TBC1D4: variants seen among roughly 807,000 people sequenced by gnomAD.
The protein encoded by TBC1D4 is TBC (Tre-2, BUB2, CDC16) domain-containing protein.
TBC1D4 carries 121 observed loss-of-function variants against 142.5 expected under a neutral mutation model. The observed-to-expected ratio is 0.85, with a 90% CI of 0.73 to 0.99. The LOEUF (loss-of-function observed/expected upper bound fraction) is 0.99. TBC1D4 is among the 50% of genes least tolerant of loss of function. TBC1D4 has a pLI of 0.00. For synonymous variants in TBC1D4, 630 were observed against 628.2 expected, an observed-to-expected ratio of 1.00 and a Z score of -0.04; for missense variants, 1,475 against 1,606.6, an observed-to-expected ratio of 0.92 and a Z score of 1.40.
intron 1 of TBC1D4, among the ~76,000 whole-genome samples, chr13:75,475,688 C>T (rs994964884): frequency 2.0e-5 from 3 of 152,186 alleles, no homozygotes; most frequent in Non-Finnish European, 1.5e-5. Context: ...CAAGCAATTA[C>T]TCATTCCAAA....
intron 1 of TBC1D4, among the ~76,000 whole-genome samples, chr13:75,480,903 ACACG>A (rs5804816): frequency 0.41 from 59,713 of 145,818 alleles, 14,131 homozygotes; most frequent in South Asian, 0.61. Flanking sequence ...ACACACACAC[ACACG>A]GCAAGCAAGC....
At chr13:75,318,559 A>T in intron 12 of TBC1D4, among the ~76,000 whole-genome samples, 1 of 152,076 alleles carries the variant, frequency 6.6e-6, no homozygotes. Context: ...ATGAAACCAT[A>T]TTTTTTCTAC....
intron 1 of TBC1D4, among the ~76,000 whole-genome samples, chr13:75,422,760 T>G (rs1018673558): frequency 3.3e-5 from 5 of 152,156 alleles, no homozygotes; most frequent in Non-Finnish European, 7.3e-5. Flanking sequence ...GAAATAATAT[T>G]CCTCAATGTA....
intron 1 of TBC1D4, among the ~76,000 whole-genome samples, chr13:75,441,163 G>A (rs1887022508): frequency 6.6e-6 from 1 of 152,102 alleles, no homozygotes; most frequent in Non-Finnish European, 1.5e-5. Context: ...GGCTGAAGCA[G>A]GAGAATCACT....
intron 16 of TBC1D4, among the ~76,000 whole-genome samples, chr13:75,301,516 G>A (rs1292153232): frequency 2.0e-5 from 3 of 151,906 alleles, no homozygotes; most frequent in African/African-American, 7.3e-5. Context: ...GTGGTGGCTG[G>A]TGCCTGTAGT....
At chr13:75,386,351 A>C (rs1884165776) in intron 1 of TBC1D4, among the ~76,000 whole-genome samples, 1 of 151,490 alleles carries the variant, frequency 6.6e-6, no homozygotes, top group African/African-American at 2.4e-5. Flanking sequence ...AAAATAATAA[A>C]TGTGCTTTTA....
At chr13:75,376,213 A>C (rs1883496288) in intron 1 of TBC1D4, among the ~76,000 whole-genome samples, 1 of 152,214 alleles carries the variant, frequency 6.6e-6, no homozygotes, top group Admixed American at 6.5e-5. Flanking sequence ...AAACAAAAAA[A>C]CCAGAAATCT....
intron 17 of TBC1D4, among the ~76,000 whole-genome samples, chr13:75,297,772 CGATAAAAA>C (rs1482831276): frequency 7.5e-6 from 1 of 133,184 alleles, no homozygotes. Flanking sequence ...AAAAAAAAAA[CGATAAAAA>C]GATAAAAAGA....
rs1197577988 is a variant in TBC1D4 at position 75,286,705 on chromosome 13, G to A, written c.*87C>T. 1.5e-6 allele frequency: 2 copies of A among 1,359,962 alleles called. No homozygotes were observed. Among genetic ancestry groups the A allele is most frequent in the African/African-American group, 2.9e-5 (2 of 69,006 alleles). 84.2% of individuals were successfully genotyped at this position (1,359,962 alleles called of 1,614,324 possible). A position where few individuals can be genotyped will look rare whatever the true frequency, so the allele number is the denominator to read the frequency against. On this transcript the variant is annotated 3_prime_UTR_variant, in exon 21 of 21. Coordinates refer to ENST00000377636, the MANE Select transcript of TBC1D4 (RefSeq NM_014832.5). ...GTATTAGGTGGTTCCATCAGCTTCA[G>A]GGTCCAGCCTTGGGCCAGCGACATG... is the stretch of plus-strand genomic sequence containing the variant.
At chr13:75,478,893 G>T (rs940395915) in intron 1 of TBC1D4, among the ~76,000 whole-genome samples, 1 of 152,148 alleles carries the variant, frequency 6.6e-6, no homozygotes, top group South Asian at 2.1e-4. Flanking sequence ...AAAAGTGGCC[G>T]CTCATGGATC....
At chr13:75,467,443 C>T (rs570880420) in intron 1 of TBC1D4, among the ~76,000 whole-genome samples, 1 of 152,296 alleles carries the variant, frequency 6.6e-6, no homozygotes, top group South Asian at 2.1e-4. Context: ...CATACTGCTT[C>T]ATCAATGGTG....
At chr13:75,293,824 T>C (rs1374808427) in intron 18 of TBC1D4, among the ~76,000 whole-genome samples, 2 of 152,244 alleles carry the variant, frequency 1.3e-5, no homozygotes, top group Non-Finnish European at 2.9e-5. Context: ...AACAAATTTC[T>C]CCAAACAACA....
intron 1 of TBC1D4, among the ~76,000 whole-genome samples, chr13:75,407,019 A>C (rs950383706): frequency 6.6e-6 from 1 of 152,160 alleles, no homozygotes; most frequent in Non-Finnish European, 1.5e-5. Context: ...ATTCGTGATA[A>C]ACTGAGGCAT....
Position 75,286,968 on chromosome 13 carries a change from C to T in TBC1D4, c.3721G>A (p.Glu1241Lys), listed in dbSNP as rs1304472649. 6.2e-7 allele frequency: 1 copy of T among 1,613,808 alleles called. No homozygotes were observed. The highest frequency in any genetic ancestry group is 8.5e-7 in the Non-Finnish European group (1 of 1,179,970). The change falls in exon 21 of 21, where the codon GAG becomes AAG. Residue 1241 changes from glutamate to lysine, a missense_variant. Physicochemically the swap from Glu to Lys is moderately conservative, Grantham distance 56 (BLOSUM62 1). Around this residue, in one of 2 missense-constraint regions of TBC1D4, gnomAD observed 248 missense variants for 338.9 expected, o/e 0.73. Transcript: ENST00000377636. Reference protein sequence around the residue: ...ESNLENLLTRETKMKSLIRTL... With the variant: ...ESNLENLLTRKTKMKSLIRTL... ...CGGATTAAAGACTTCATTTTGGTCT[C>T]TCTCGTCAAAAGATTTTCCAGGTTT...
chr13:75,425,097 T>C (rs772424832), intron 1 of TBC1D4, among the ~76,000 whole-genome samples: 11 of 152,086 alleles, frequency 7.2e-5, no homozygotes, highest in South Asian at 4.1e-4. Context: ...GCAAACCATA[T>C]ATCTGATAAG....
At chr13:75,395,878 G>A (rs866482362) in intron 1 of TBC1D4, among the ~76,000 whole-genome samples, 4 of 152,056 alleles carry the variant, frequency 2.6e-5, no homozygotes, top group African/African-American at 9.7e-5. Flanking sequence ...TGATACCTTG[G>A]TAAGTATCAT....
At chr13:75,476,298 A>G (rs1299658635) in intron 1 of TBC1D4, among the ~76,000 whole-genome samples, 1 of 152,218 alleles carries the variant, frequency 6.6e-6, no homozygotes, top group Non-Finnish European at 1.5e-5. Flanking sequence ...TACACCTTAT[A>G]CACATAGCCT....
intron 1 of TBC1D4, among the ~76,000 whole-genome samples, chr13:75,393,706 C>A (rs543693468): frequency 3.3e-5 from 5 of 152,054 alleles, no homozygotes; most frequent in Admixed American, 2.6e-4. Flanking sequence ...CCAAGGTGGG[C>A]GGATCACCTA....
intron 16 of TBC1D4, among the ~76,000 whole-genome samples, chr13:75,301,553 G>A (rs1355995885): frequency 1.3e-5 from 2 of 151,854 alleles, no homozygotes; most frequent in Admixed American, 6.6e-5. Flanking sequence ...GCTGAGGCAG[G>A]AGAATGGCAT....
Sources: gnomAD v4.1 joint callset for allele counts (sites outside exome capture counted in the v4.1 genomes callset) on GRCh38, gnomAD v4.1.1 for gene constraint, gnomAD v4.1.1 regional missense constraint, MANE v1.5 for transcripts, NCBI Gene and HGNC (gene_info 2026-07-23, HGNC 2026-07-21) for gene names.